The following NEURL4 variants were observed in gnomAD, a reference collection of about 807,000 sequenced individuals.
NEURL4 encodes the protein neuralized E3 ubiquitin protein ligase 4.
In NEURL4, 45 loss-of-function variants were observed where a neutral mutation model predicts 148.0. The ratio of observed to expected loss-of-function variants is 0.30; its 90% confidence interval spans 0.24 to 0.39. The LOEUF (loss-of-function observed/expected upper bound fraction) is 0.39, where lower values mean the gene tolerates loss of function less well. Ranked by LOEUF, NEURL4 falls within the 10% of genes least tolerant of loss-of-function variation. The pLI, the probability that NEURL4 is intolerant of heterozygous loss-of-function variation, is 1.00. For missense variants in NEURL4, 1,776 were observed against 2,144.0 expected (o/e 0.83, Z 3.39); for synonymous variants, 854 against 869.0 (o/e 0.98, Z 0.30).
At position 7,326,824 on chromosome 17, in the gene NEURL4, G is replaced by C. The variant is rs1174287896; in HGVS notation, c.979C>G (p.Leu327Val). ...ALLFHEKCGT[L>V]IKLSNNNKTA... is the part of the protein sequence containing the mutation. ...TTATTATTGTTGCTGAGTTTGATGA[G>C]GGTCCCGCACTTTTCATGAAAGAGC... The change falls in exon 4 of 29, where the codon CTC (leucine) becomes GTC (valine). Residue 327 changes from leucine (L) to valine (V), a missense_variant. Leu to Val is a conservative substitution (Grantham distance 32). Coordinates refer to ENST00000399464, the MANE Select transcript of NEURL4 (RefSeq NM_032442.3). The surrounding 1 kb of genome is among the most constrained non-coding windows in gnomAD (Gnocchi z 6.0). The C allele has an allele frequency of 5.0e-6, 8 of 1,613,336 alleles. No individual in the cohort carries two copies. The highest frequency in any genetic ancestry group is 6.8e-6 in the Non-Finnish European group (8 of 1,179,878).
At position 7,318,218 on chromosome 17, in the gene NEURL4, G is replaced by T. The variant is rs779904844; in HGVS notation, c.3953-46C>A. The T allele has an allele frequency of 3.1e-6, 5 of 1,611,274 alleles. No individual in the cohort carries two copies. The highest frequency in any genetic ancestry group is 1.3e-5 in the African/African-American group (1 of 74,978). On this transcript the variant is annotated intron_variant, in intron 24 of 28. Coordinates refer to ENST00000399464, the MANE Select transcript of NEURL4 (RefSeq NM_032442.3). This position sits in a 1 kb window ranked among gnomAD's most constrained non-coding sequence, Gnocchi z 4.3. ...AGGTCACAGGAGCTGGGCTAGAAGG[G>T]TGAGGGTGGGGGAGTAGGGGCAGGA... is the stretch of plus-strand genomic sequence containing the variant.
In NEURL4 at chr17:7,327,417, C is replaced by T. The variant is rs776823866; in HGVS notation, c.727+23G>A. 1.3e-6 allele frequency: 2 copies of T among 1,532,260 alleles called. No individual in the cohort carries two copies. The highest frequency in any genetic ancestry group is 2.3e-5 in the East Asian group (1 of 44,176). 94.9% of individuals were successfully genotyped at this position (1,532,260 alleles called of 1,614,324 possible). ...CCCCATTCCGTCCCCACCCCACCAC[C>T]ACTGCCCTAGCTGTGTTCTCACCTT... On this transcript the variant is annotated intron_variant, in intron 2 of 28. Coordinates refer to ENST00000399464, the MANE Select transcript of NEURL4 (RefSeq NM_032442.3). The surrounding 1 kb of genome is among the most constrained non-coding windows in gnomAD (Gnocchi z 6.6).
chr17:7,322,200 C>T lies in NEURL4; in HGVS notation c.2726-190G>A, dbSNP rs1394668743. Among the ~76,000 whole-genome samples the T allele has an allele frequency of 1.3e-5, 2 of 152,204 alleles. No homozygotes were observed. Among genetic ancestry groups the T allele is most frequent in the African/African-American group, 4.8e-5 (2 of 41,448 alleles). On this transcript the variant is annotated intron_variant, in intron 16 of 28. Transcript: ENST00000399464. The surrounding 1 kb of genome is among the most constrained non-coding windows in gnomAD (Gnocchi z 5.5). The stretch of plus-strand genomic sequence containing the variant: ...TGAGGCAGAGTCTCGCTCTGTCACT[C>T]AGGCTGGAGTGCAGGGGCACAGTCG...
chr17:7,329,275 C>T lies in NEURL4; in HGVS notation c.38G>A (p.Gly13Glu), dbSNP rs767730501. The T allele has an allele frequency of 3.6e-5, 51 of 1,435,286 alleles. No homozygotes were observed. The Middle Eastern group carries it at 1.2e-3, about 35-fold the overall frequency. 88.9% of individuals were successfully genotyped at this position (1,435,286 alleles called of 1,614,324 possible). ...AGSGGSGGSG[G>E]GPGPGPGGGG... ...CCCGCCCGGCCCCGGTCCAGGGCCT[C>T]CCCCAGAGCCCCCACTCCCACCCGA... Residue 13 changes from glycine (G) to glutamate (E), a missense_variant, in exon 1 of 29, where the codon GGA becomes GAA. Gly to Glu is a moderately conservative substitution (Grantham distance 98). Transcript: ENST00000399464.
Position 7,317,824 on chromosome 17 carries a change from T to C in NEURL4, c.4169A>G (p.Tyr1390Cys). ...HRRRGEPPREYALPFGWCRFN... is the reference protein window; with the variant it reads ...HRRRGEPPRECALPFGWCRFN... ...CCTGCACCAGCCAAAGGGCAGTGCA[T>C]ATTCCCGGGGAGGCTCCCCTCTGCG... The change falls in exon 26 of 29, where the codon TAT becomes TGT. Residue 1390 changes from tyrosine (Y) to cysteine (C), a missense_variant. By Grantham distance (194) the Tyr-to-Cys change is radical. Coordinates refer to ENST00000399464, the MANE Select transcript of NEURL4 (RefSeq NM_032442.3). 6.2e-7 allele frequency: 1 copy of C among 1,614,008 alleles called. No homozygotes were observed. The highest frequency in any genetic ancestry group is 8.5e-7 in the Non-Finnish European group (1 of 1,180,048).
At position 7,323,049 on chromosome 17, in the gene NEURL4, C is replaced by T. The variant is rs773827771; in HGVS notation, c.2492G>A (p.Gly831Asp). ...YGCDLDALGT[G>D]ARIGMMRTAK... ...AGTTCGCATCATGCCAATGCGTGCA[C>T]CTGTGCCCAGCGCATCCAGGTCACA... The change falls in exon 15 of 29, where the codon GGT (glycine) becomes GAT (aspartate). Residue 831 changes from glycine to aspartate, a missense_variant. Gly to Asp is a moderately conservative substitution (Grantham distance 94). Coordinates refer to ENST00000399464, the MANE Select transcript of NEURL4 (RefSeq NM_032442.3). The T allele has an allele frequency of 2.1e-5, 34 of 1,613,690 alleles. No homozygotes were observed. Among genetic ancestry groups the T allele is most frequent in the Middle Eastern group, 1.6e-4 (1 of 6,084 alleles).
chr17:7,317,614 T>TGGG, intron 26 of NEURL4, 41 bp from the exon 27 acceptor site: 1 of 1,594,134 alleles, frequency 6.3e-7, no homozygotes, highest in Non-Finnish European at 8.6e-7. Context: ...CGAAGGCCAC[T>TGGG]GACTCCCCAG....
At chr17:7,319,625 G>C (rs564569458) in intron 21 of NEURL4, among the ~76,000 whole-genome samples, 18 of 149,598 alleles carry the variant, frequency 1.2e-4, no homozygotes, top group African/African-American at 4.2e-4. Flanking sequence ...GCTTGAACCC[G>C]GGAGGTGGAG....
chr17:7,324,015 G>A lies in NEURL4; in HGVS notation c.2063-3C>T, dbSNP rs764989386. Reference sequence around the variant, plus strand: ...TGGTTCAGGAACTGGAGCCACCTCTGTAAAAGTGGACATCACCCATCAGGT... The same window carrying A: ...TGGTTCAGGAACTGGAGCCACCTCTATAAAAGTGGACATCACCCATCAGGT... On this transcript the variant is annotated splice_region_variant and splice_polypyrimidine_tract_variant and intron_variant, in intron 11 of 28. Coordinates refer to ENST00000399464, the MANE Select transcript of NEURL4 (RefSeq NM_032442.3). This position sits in a 1 kb window ranked among gnomAD's most constrained non-coding sequence, Gnocchi z 5.9. 67 of 1,609,068 alleles carry A rather than the reference G, an allele frequency of 4.2e-5. 1 individual carries two copies. The Admixed American group carries it at 4.5e-4, about 11-fold the overall frequency.
Position 7,322,979 on chromosome 17 carries a change from G to A in NEURL4, c.2562C>T (p.Gly854=), listed in dbSNP as rs750455845. 13 of 1,613,686 alleles carry A rather than the reference G, an allele frequency of 8.1e-6. No individual in the cohort carries two copies. Among genetic ancestry groups the A allele is most frequent in the Non-Finnish European group, 1.1e-5 (13 of 1,179,976 alleles). The part of the protein sequence containing the change: ...LHYFINGQDQ[G]AACSGLPPGK... ...CCGGAGGCAGGCCCGAGCAGGCAGC[G>A]CCTTGGTCCTGGCCGTTGATGAAGT... Residue 854 remains glycine (G), a synonymous_variant, in exon 15 of 29, where the codon GGC becomes GGT. Transcript: ENST00000399464. The surrounding 1 kb of genome is among the most constrained non-coding windows in gnomAD (Gnocchi z 5.5).
At chr17:7,325,981 T>C (rs1855177056) in intron 6 of NEURL4, among the ~76,000 whole-genome samples, 1 of 152,110 alleles carries the variant, frequency 6.6e-6, no homozygotes, top group African/African-American at 2.4e-5. Context: ...ATTTTAGAGA[T>C]TGCAGGAGGT....
Position 7,326,183 on chromosome 17 carries a change from G to T in NEURL4, c.1293+72C>A. On this transcript the variant is annotated intron_variant, in intron 6 of 28. Coordinates refer to ENST00000399464, the MANE Select transcript of NEURL4 (RefSeq NM_032442.3). This position sits in a 1 kb window ranked among gnomAD's most constrained non-coding sequence, Gnocchi z 6.0. ...TAGGTCACATAGGAGACCCTGCTTG[G>T]TGCCCTGGCAGGGACACAGAGTACC... is the stretch of plus-strand genomic sequence containing the variant. The T allele has an allele frequency of 6.9e-7, 1 of 1,450,406 alleles. No individual in the cohort carries two copies. The highest frequency in any genetic ancestry group is 9.6e-7 in the Non-Finnish European group (1 of 1,045,012). 89.8% of individuals were successfully genotyped at this position (1,450,406 alleles called of 1,614,324 possible).
rs1319209418 is a variant in NEURL4 at position 7,327,395 on chromosome 17, C to A, written c.727+45G>T. ...GCCTGTCTTGTCACTCTATTTCCCC[C>A]ATTCCGTCCCCACCCCACCACCACT... On this transcript the variant is annotated intron_variant, in intron 2 of 28. Coordinates refer to ENST00000399464, the MANE Select transcript of NEURL4 (RefSeq NM_032442.3). The surrounding 1 kb of genome is among the most constrained non-coding windows in gnomAD (Gnocchi z 6.6). 1.3e-6 allele frequency: 2 copies of A among 1,491,936 alleles called. No homozygotes were observed. Among genetic ancestry groups the A allele is most frequent in the Non-Finnish European group, 1.8e-6 (2 of 1,103,200 alleles). The allele number at this position is 1,491,936 out of a possible 1,614,324, so 92.4% of individuals were successfully genotyped here.
Position 7,318,631 on chromosome 17 carries a change from C to A in NEURL4, c.3728G>T (p.Gly1243Val). The A allele has an allele frequency of 6.2e-7, 1 of 1,613,646 alleles. No individual in the cohort carries two copies. ...GTCCAGCCGCAGTCCCAGGATGGTGCCTTCAGGGCACGTGTCCAGATTGGG... is the reference window on the plus strand; with the variant it reads ...GTCCAGCCGCAGTCCCAGGATGGTGACTTCAGGGCACGTGTCCAGATTGGG... ...FGPNLDTCPE[G>V]TILGLRLDSS... Residue 1243 changes from glycine (G) to valine (V), a missense_variant, in exon 23 of 29, where the codon GGC (glycine) becomes GTC (valine). Coordinates refer to ENST00000399464, the MANE Select transcript of NEURL4 (RefSeq NM_032442.3). This position sits in a 1 kb window ranked among gnomAD's most constrained non-coding sequence, Gnocchi z 4.3.
chr17:7,323,299 G>A (rs541735454), intron 14 of NEURL4, among the ~76,000 whole-genome samples, 176 bp from the exon 15 acceptor site: 120 of 152,292 alleles, frequency 7.9e-4, no homozygotes, highest in African/African-American at 2.7e-3. Flanking sequence ...AGCAAGAACT[G>A]CCTAAGATGA....
rs773421604 is a variant in NEURL4 at position 7,321,992 on chromosome 17, C to T, written c.2744G>A (p.Arg915Gln). The part of the protein sequence containing the change: ...LHSPVAGVAH[R>Q]FHSTCGKNVT... ...GTTCTTGCCGCAAGTACTGTGGAAT[C>T]GGTGAGCCACGCCAGCCACTGTGAA... Residue 915 changes from arginine to glutamine, a missense_variant, in exon 17 of 29, where the codon CGA (arginine) becomes CAA (glutamine). Coordinates refer to ENST00000399464, the MANE Select transcript of NEURL4 (RefSeq NM_032442.3). The surrounding 1 kb of genome is among the most constrained non-coding windows in gnomAD (Gnocchi z 6.3). The T allele has an allele frequency of 6.8e-6, 11 of 1,607,770 alleles. No individual in the cohort carries two copies. Among genetic ancestry groups the T allele is most frequent in the Non-Finnish European group, 8.5e-6 (10 of 1,177,814 alleles).
At position 7,321,171 on chromosome 17, in the gene NEURL4, T is replaced by C; in HGVS notation, c.3301A>G (p.Ser1101Gly). 3 of 1,613,958 alleles carry C rather than the reference T, an allele frequency of 1.9e-6. No individual in the cohort carries two copies. The highest frequency in any genetic ancestry group is 2.5e-6 in the Non-Finnish European group (3 of 1,180,016). The change falls in exon 20 of 29, where the codon AGT becomes GGT. Residue 1101 changes from serine to glycine, a missense_variant. Ser to Gly is a moderately conservative substitution (Grantham distance 56, BLOSUM62 0). Coordinates refer to ENST00000399464, the MANE Select transcript of NEURL4 (RefSeq NM_032442.3). This position sits in a 1 kb window ranked among gnomAD's most constrained non-coding sequence, Gnocchi z 6.3. ...TCGCCCTCACTGCCGGTGTCTGAAC[T>C]GGGGGAAGGAGGCTGGGTGCCTTCT... is the stretch of plus-strand genomic sequence containing the variant. The part of the protein sequence containing the change: ...ESEGTQPPSP[S>G]SDTGSEGEED...
At position 7,323,957 on chromosome 17, in the gene NEURL4, G is replaced by C; in HGVS notation, c.2118C>G (p.Ser706Arg). The C allele has an allele frequency of 1.2e-6, 2 of 1,612,776 alleles. No individual in the cohort carries two copies. Among genetic ancestry groups the C allele is most frequent in the Non-Finnish European group, 1.7e-6 (2 of 1,180,022 alleles). ...LPEGNNQVSP[S>R]SPSSGAGGSD... ...AGCCCCCGGCCCCTGAGGACGGAGA[G>C]CTTGGAGACACCTGGTTGTTCCCCT... Residue 706 changes from serine (S) to arginine (R), a missense_variant, in exon 12 of 29, where the codon AGC (serine) becomes AGG (arginine). Coordinates refer to ENST00000399464, the MANE Select transcript of NEURL4 (RefSeq NM_032442.3).
chr17:7,328,714 A>G (rs1208645460), intron 1 of NEURL4, among the ~76,000 whole-genome samples: 1 of 152,172 alleles, frequency 6.6e-6, no homozygotes, highest in Non-Finnish European at 1.5e-5. Flanking sequence ...TTCACTTGCC[A>G]TCACATCTCT....
Sources: allele counts gnomAD v4.1 joint callset (sites outside exome capture counted in the v4.1 genomes callset), GRCh38; gene constraint gnomAD v4.1.1; non-coding constraint Gnocchi (gnomAD v3.1); transcripts MANE v1.5; gene names NCBI Gene and HGNC (gene_info 2026-07-23, HGNC 2026-07-21).